UGGT1: variants seen among roughly 807,000 people sequenced by gnomAD.
The protein encoded by UGGT1 is UDP-glucose glycoprotein glucosyltransferase 1.
In UGGT1, 107 loss-of-function variants were observed where a neutral mutation model predicts 203.9. The observed-to-expected ratio is 0.52, with a 90% CI of 0.45 to 0.62. The LOEUF (loss-of-function observed/expected upper bound fraction) is 0.62. UGGT1 is among the 20% of genes least tolerant of loss of function. UGGT1 has a pLI of 0.00. For missense variants in UGGT1, 1,673 were observed against 1,867.2 expected, an observed-to-expected ratio of 0.90 and a Z score of 1.92; for synonymous variants, 628 against 653.5, an observed-to-expected ratio of 0.96 and a Z score of 0.59.
chr2:128,162,359 A>G (rs1021451020), intron 25 of UGGT1, among the ~76,000 whole-genome samples: 1 of 151,962 alleles, frequency 6.6e-6, no homozygotes, highest in African/African-American at 2.4e-5. Context: ...ATAAAATTTT[A>G]AAGTTCTGCT....
chr2:128,180,848 T>G, intron 35 of UGGT1, 42 bp from the exon 36 acceptor site: 1 of 1,579,152 alleles, frequency 6.3e-7, no homozygotes, highest in South Asian at 1.1e-5. Flanking sequence ...GTTTTCTTAA[T>G]CAGAAGAAAT....
chr2:128,128,315 C>CTG (rs1688705865), intron 12 of UGGT1, among the ~76,000 whole-genome samples: 1 of 141,100 alleles, frequency 7.1e-6, no homozygotes, highest in African/African-American at 2.6e-5. Context: ...TCCTTTCTAT[C>CTG]TTTTTTTTTT....
intron 35 of UGGT1, 45 bp downstream of exon 35, chr2:128,179,915 T>C (rs761025480): frequency 6.6e-5 from 102 of 1,542,370 alleles, no homozygotes; most frequent in Non-Finnish European, 8.7e-5. Context: ...TAAGGAGATA[T>C]TTACTGTATA....
intron 31 of UGGT1, 39 bp downstream of exon 31, chr2:128,174,897 T>G (rs1355243013): frequency 6.4e-7 from 1 of 1,564,482 alleles, no homozygotes. Context: ...CCCAGAACTT[T>G]TAGAAATGAG....
intron 26 of UGGT1, among the ~76,000 whole-genome samples, chr2:128,165,870 T>C (rs958452914): frequency 9.9e-5 from 15 of 152,188 alleles, no homozygotes; most frequent in African/African-American, 3.6e-4. Context: ...CAAGTGATCT[T>C]CCTACCTCAA....
intron 26 of UGGT1, among the ~76,000 whole-genome samples, chr2:128,169,879 A>G (rs1691008018): frequency 6.6e-6 from 1 of 152,112 alleles, no homozygotes; most frequent in South Asian, 2.1e-4. Flanking sequence ...ATATTTTGTG[A>G]TTATATTTTT....
chr2:128,163,571 C>T (rs974783796), intron 25 of UGGT1, among the ~76,000 whole-genome samples: 3 of 151,798 alleles, frequency 2.0e-5, no homozygotes, highest in African/African-American at 4.8e-5. Context: ...AAAAATTAGC[C>T]GGGCATGGTG....
chr2:128,160,364 G>T (rs994378549), intron 23 of UGGT1, 96 bp from the exon 24 acceptor site: 18 of 1,338,352 alleles, frequency 1.3e-5, no homozygotes, highest in African/African-American at 6.0e-5. Context: ...TTACTTTCCA[G>T]GGAAAGAAAT....
At chr2:128,182,909 CT>C (rs372722115) in intron 37 of UGGT1, among the ~76,000 whole-genome samples, 306 of 114,240 alleles carry the variant, frequency 2.7e-3, no homozygotes, top group Admixed American at 6.4e-3. Context: ...TGTAACTTGG[CT>C]TTTTTTTTTT....
At position 128,189,755 on chromosome 2, in the gene UGGT1, GA is replaced by G; in HGVS notation, c.*14del. On this transcript the variant is annotated 3_prime_UTR_variant, in exon 41 of 41. Transcript: ENST00000259253. Reference sequence around the variant, plus strand: ...TGAAGAATTATGATCTCTGGAGAAGGACAGGAAATCACCCCATTTGAAAAAC... The same window carrying G: ...TGAAGAATTATGATCTCTGGAGAAGGCAGGAAATCACCCCATTTGAAAAAC... The G allele has an allele frequency of 6.2e-7, 1 of 1,612,774 alleles. No individual in the cohort carries two copies. Among genetic ancestry groups the G allele is most frequent in the East Asian group, 2.2e-5 (1 of 44,872 alleles).
chr2:128,178,720 G>A (rs1033817075), intron 34 of UGGT1, 151 bp downstream of exon 34: 2 of 691,580 alleles, frequency 2.9e-6, no homozygotes, highest in Non-Finnish European at 2.4e-6. Flanking sequence ...TTTATCATTG[G>A]ATTTGTTTTG....
chr2:128,180,605 A>T (rs1258348549), intron 35 of UGGT1, among the ~76,000 whole-genome samples: 1 of 152,228 alleles, frequency 6.6e-6, no homozygotes, highest in Non-Finnish European at 1.5e-5. Flanking sequence ...CTTAAAGTTC[A>T]TGTGCTGTAA....
At chr2:128,160,437 C>T in intron 23 of UGGT1, 23 bp from the exon 24 acceptor site, 1 of 1,574,360 alleles carries the variant, frequency 6.4e-7, no homozygotes, top group Non-Finnish European at 8.6e-7. Flanking sequence ...ACTATTTTTC[C>T]TTAATAATGA....
In UGGT1 at chr2:128,164,753, T is replaced by C. The variant is rs2104758097; in HGVS notation, c.2849T>C (p.Val950Ala). 6.2e-7 allele frequency: 1 copy of C among 1,613,874 alleles called. No homozygotes were observed. Among genetic ancestry groups the C allele is most frequent in the East Asian group, 2.2e-5 (1 of 44,850 alleles). Residue 950 changes from valine to alanine, a missense_variant, in exon 26 of 41, where the codon GTG (valine) becomes GCG (alanine). This residue lies in a region of UGGT1 where 1,073 missense variants were observed against 1,078.7 expected (regional missense o/e 0.99). Coordinates refer to ENST00000259253, the MANE Select transcript of UGGT1 (RefSeq NM_020120.4). ...AGGGCAAGCGACTTGGTAATGAAGGTGGATGCTCTTCTGTCAGCGCAACCA... is the reference window on the plus strand; with the variant it reads ...AGGGCAAGCGACTTGGTAATGAAGGCGGATGCTCTTCTGTCAGCGCAACCA... The part of the protein sequence containing the change: ...EDVASDLVMK[V>A]DALLSAQPKG...
rs1692232049 is a variant in UGGT1, at chr2:128,190,934, G to A, written c.*1192G>A. On this transcript the variant is annotated 3_prime_UTR_variant, in exon 41 of 41. Transcript: ENST00000259253. ...CATCGTGAAGCCCCATTTGCCTTTA[G>A]TCCCTGCTTTGTGTGTCTTCACTTC... The A allele has an allele frequency of 6.6e-6, 1 of 152,290 alleles. No individual in the cohort carries two copies. The highest frequency in any genetic ancestry group is 2.1e-4 in the South Asian group (1 of 4,832). 9.4% of individuals were successfully genotyped at this position (152,290 alleles called of 1,614,324 possible).
chr2:128,123,062 A>T, intron 10 of UGGT1, 124 bp from the exon 11 acceptor site: 1 of 605,052 alleles, frequency 1.7e-6, no homozygotes, highest in Non-Finnish European at 2.7e-6. Context: ...ATAAAAATTT[A>T]AGGTTTTTCC....
chr2:128,124,559 G>C (rs551441780), intron 11 of UGGT1, among the ~76,000 whole-genome samples: 1 of 151,628 alleles, frequency 6.6e-6, no homozygotes, highest in Admixed American at 6.6e-5. Context: ...TTCTTTGTTT[G>C]TGTTTCTTCT....
In UGGT1 at chr2:128,100,018, A is replaced by ATCCC. The variant is rs1553431313; in HGVS notation, c.194+2454_194+2455insTCCC. ...ATAAAATCTGTCATTGAGATTTACAACCCCCCCCCCCACCCTACTTATTTT... is the reference window on the plus strand; with the variant it reads ...ATAAAATCTGTCATTGAGATTTACAATCCCCCCCCCCCCCCACCCTACTTATTTT... On this transcript the variant is annotated intron_variant, in intron 2 of 40. Transcript: ENST00000259253. Among the ~76,000 whole-genome samples, 49 of 34,942 alleles carry ATCCC rather than the reference A, an allele frequency of 1.4e-3. 2 individuals carry two copies. The highest frequency in any genetic ancestry group is 5.0e-3 in the African/African-American group (48 of 9,544). The allele number at this position is 34,942 out of a possible 152,430, so 22.9% of individuals were successfully genotyped here. A position where few individuals can be genotyped will look rare whatever the true frequency, so the allele number is the denominator to read the frequency against.
At position 128,091,418 on chromosome 2, in the gene UGGT1, A is replaced by T; in HGVS notation, c.58+3A>T. The T allele has an allele frequency of 3.2e-6, 5 of 1,580,812 alleles. No homozygotes were observed. The highest frequency in any genetic ancestry group is 4.3e-6 in the Non-Finnish European group (5 of 1,163,376). On this transcript the variant is annotated splice_donor_region_variant and intron_variant, in intron 1 of 40. Transcript: ENST00000259253. Reference sequence around the variant, plus strand: ...CGCGGGTGCGCTGCCGGTGACAGGTACCCAGGGGTGGCGTGAGGAGGCCTC... The same window carrying T: ...CGCGGGTGCGCTGCCGGTGACAGGTTCCCAGGGGTGGCGTGAGGAGGCCTC...
Sources: gnomAD v4.1 joint callset for allele counts (sites outside exome capture counted in the v4.1 genomes callset) on GRCh38, gnomAD v4.1.1 for gene constraint, gnomAD v4.1.1 regional missense constraint, MANE v1.5 for transcripts, NCBI Gene and HGNC (gene_info 2026-07-23, HGNC 2026-07-21) for gene names.